The following FBXL17 variants were observed in gnomAD, a reference collection of about 807,000 sequenced individuals.
The protein encoded by FBXL17 is F-box/LRR-repeat protein 17.
Under a neutral mutation model 66.2 loss-of-function variants are expected in FBXL17, and 22 were observed. The observed-to-expected ratio is 0.33, with a 90% confidence interval of 0.24 to 0.47. The LOEUF is 0.47. FBXL17 is among the 20% of genes least tolerant of loss of function. The pLI is 1.00. For missense variants in FBXL17, 878 were observed against 948.2 expected, an observed-to-expected ratio of 0.93 and a Z score of 0.97; for synonymous variants, 474 against 400.5, an observed-to-expected ratio of 1.18 and a Z score of -2.19.
At chr5:108,049,374 C>T (rs554548534) in intron 6 of FBXL17, among the ~76,000 whole-genome samples, 3 of 152,082 alleles carry the variant, frequency 2.0e-5, no homozygotes, top group Admixed American at 2.0e-4. Context: ...AGTCTTGAAC[C>T]CATCTTGGCC....
chr5:108,335,706 T>C (rs182683317), intron 4 of FBXL17, among the ~76,000 whole-genome samples: 1 of 152,284 alleles, frequency 6.6e-6, no homozygotes, highest in African/African-American at 2.4e-5. Flanking sequence ...CCTATTATTA[T>C]ACTGATCAGC....
At chr5:108,105,641 C>T (rs924596656) in intron 6 of FBXL17, among the ~76,000 whole-genome samples, 6 of 152,146 alleles carry the variant, frequency 3.9e-5, no homozygotes, top group Non-Finnish European at 8.8e-5. Context: ...TCATGTATGT[C>T]GATTATCTAC....
chr5:108,232,400 G>T (rs1348138195), intron 4 of FBXL17, among the ~76,000 whole-genome samples: 1 of 151,966 alleles, frequency 6.6e-6, no homozygotes, highest in Non-Finnish European at 1.5e-5. Context: ...GGCAAGGGGT[G>T]GACTTGTGAT....
chr5:108,375,171 T>C (rs553328073), intron 1 of FBXL17, among the ~76,000 whole-genome samples: 82 of 152,148 alleles, frequency 5.4e-4, no homozygotes, highest in African/African-American at 1.7e-3. Flanking sequence ...CTGGAAAACA[T>C]AGCAAGACCC....
intron 4 of FBXL17, among the ~76,000 whole-genome samples, chr5:108,319,607 A>G (rs1306424463): frequency 6.6e-6 from 1 of 151,862 alleles, no homozygotes; most frequent in African/African-American, 2.4e-5. Context: ...ACTAATTTTG[A>G]AAATAATTAT....
intron 6 of FBXL17, among the ~76,000 whole-genome samples, chr5:108,080,504 T>A (rs111469663): frequency 6.6e-6 from 1 of 152,180 alleles, no homozygotes; most frequent in Non-Finnish European, 1.5e-5. Context: ...TGTAAAATAT[T>A]TGAAGGAATA....
At chr5:108,334,904 C>T (rs1384342579) in intron 4 of FBXL17, among the ~76,000 whole-genome samples, 2 of 152,080 alleles carry the variant, frequency 1.3e-5, no homozygotes, top group African/African-American at 4.8e-5. Flanking sequence ...GTGGGTACTG[C>T]CATTCACTGT....
chr5:108,160,886 T>C (rs1752185695), intron 6 of FBXL17, among the ~76,000 whole-genome samples: 1 of 152,124 alleles, frequency 6.6e-6, no homozygotes, highest in African/African-American at 2.4e-5. Context: ...TTAGCTGCCG[T>C]CAACCCAGAG....
intron 6 of FBXL17, among the ~76,000 whole-genome samples, chr5:108,086,049 C>T (rs147399554): frequency 5.5e-4 from 84 of 152,292 alleles, no homozygotes; most frequent in African/African-American, 1.6e-3. Flanking sequence ...TCATAGAAAT[C>T]AGAATTTCTT....
chr5:108,366,209 C>T (rs1046441931), intron 2 of FBXL17, among the ~76,000 whole-genome samples: 2 of 151,962 alleles, frequency 1.3e-5, no homozygotes, highest in Non-Finnish European at 2.9e-5. Flanking sequence ...TTTTCTCAGA[C>T]GACTCAATTC....
Position 108,380,956 on chromosome 5 carries a change from C to G in FBXL17, c.736G>C (p.Gly246Arg). The change falls in exon 1 of 9, where the codon GGC (glycine) becomes CGC (arginine). Residue 246 changes from glycine (G) to arginine (R), a missense_variant. By Grantham distance (125) the Gly-to-Arg change is moderately radical. Around this residue, in one of 4 missense-constraint regions of FBXL17, gnomAD observed 605 missense variants for 509.5 expected, o/e 1.19. Transcript: ENST00000542267. ...GASPPRPPDA[G>R]CCQAPEQPPQ... ...GGCTGCTCCGGGGCCTGGCAGCAGCCGGCGTCGGGGGGCCGGGGCGGCGAA... is the reference window on the plus strand; with the variant it reads ...GGCTGCTCCGGGGCCTGGCAGCAGCGGGCGTCGGGGGGCCGGGGCGGCGAA... The G allele has an allele frequency of 6.6e-6, 8 of 1,221,116 alleles. No individual in the cohort carries two copies. Among genetic ancestry groups the G allele is most frequent in the Non-Finnish European group, 8.2e-6 (8 of 980,378 alleles). The allele number at this position is 1,221,116 out of a possible 1,614,324, so 75.6% of individuals were successfully genotyped here.
chr5:108,373,676 G>A (rs1213438663), intron 1 of FBXL17, among the ~76,000 whole-genome samples: 1 of 152,268 alleles, frequency 6.6e-6, no homozygotes, highest in East Asian at 1.9e-4. Context: ...GCACTTTTGG[G>A]AGGCTGTGTT....
At chr5:107,879,970 C>T (rs1580675795) in intron 8 of FBXL17, 1 of 864,448 alleles carries the variant, frequency 1.2e-6, no homozygotes, top group Non-Finnish European at 1.4e-6. Context: ...ATTTTCTCCC[C>T]TTCACAATGC....
intron 8 of FBXL17, among the ~76,000 whole-genome samples, chr5:107,871,063 A>C (rs796129683): frequency 4.7e-5 from 4 of 85,748 alleles, no homozygotes; most frequent in Non-Finnish European, 9.3e-5. Context: ...GCGGCAAAAA[A>C]AAAAAAAAAA....
chr5:108,357,760 C>G (rs1439742925), intron 3 of FBXL17, among the ~76,000 whole-genome samples: 1 of 151,438 alleles, frequency 6.6e-6, no homozygotes, highest in Non-Finnish European at 1.5e-5. Context: ...CTAGGGTACA[C>G]GTGTACAACG....
chr5:107,875,291 A>G (rs764046752), intron 8 of FBXL17, among the ~76,000 whole-genome samples: 3 of 151,838 alleles, frequency 2.0e-5, no homozygotes, highest in Non-Finnish European at 4.4e-5. Flanking sequence ...CCCTCAAATT[A>G]TTTTTCTCTG....
intron 4 of FBXL17, among the ~76,000 whole-genome samples, chr5:108,308,580 C>T (rs1450534755): frequency 6.6e-6 from 1 of 151,968 alleles, no homozygotes; most frequent in Non-Finnish European, 1.5e-5. Flanking sequence ...GGAAGAAAAC[C>T]TCCGTCATAG....
chr5:108,127,662 G>T (rs1253355481), intron 6 of FBXL17, among the ~76,000 whole-genome samples: 1 of 152,062 alleles, frequency 6.6e-6, no homozygotes. Flanking sequence ...ATCTTTAATA[G>T]ATTTTTTAAA....
intron 6 of FBXL17, among the ~76,000 whole-genome samples, chr5:108,042,036 C>G (rs1186859589): frequency 6.6e-6 from 1 of 152,138 alleles, no homozygotes; most frequent in Admixed American, 6.5e-5. Context: ...GCTGGGATTA[C>G]AGGCATGTGC....
Sources: allele counts gnomAD v4.1 joint callset (sites outside exome capture counted in the v4.1 genomes callset), GRCh38; gene constraint gnomAD v4.1.1; regional missense constraint gnomAD v4.1.1; transcripts MANE v1.5; gene names NCBI Gene and HGNC (gene_info 2026-07-23, HGNC 2026-07-21).